The following PLAA variants were observed in gnomAD, a reference collection of about 807,000 sequenced individuals.
PLAA encodes phospholipase A2 activating protein.
In PLAA, 48 loss-of-function variants were observed where a neutral mutation model predicts 84.1. That is an observed-to-expected ratio of 0.57 (90% CI 0.45 to 0.73). The LOEUF (loss-of-function observed/expected upper bound fraction) is 0.73. Among genes scored for constraint, PLAA ranks in the 30% least tolerant of loss-of-function variants. PLAA has a pLI of 0.00. For missense variants in PLAA, 903 were observed against 954.7 expected (o/e 0.95, Z 0.71); for synonymous variants, 392 against 336.6 (o/e 1.16, Z -1.80).
intron 5 of PLAA, among the ~76,000 whole-genome samples, 168 bp downstream of exon 5, chr9:26,926,225 A>G (rs1824954690): frequency 6.6e-6 from 1 of 152,192 alleles, no homozygotes; most frequent in Non-Finnish European, 1.5e-5. Context: ...TGGCCATACA[A>G]TTTTCTTCTT....
At chr9:26,935,654 T>C (rs969116886) in intron 1 of PLAA, among the ~76,000 whole-genome samples, 2 of 152,106 alleles carry the variant, frequency 1.3e-5, no homozygotes, top group East Asian at 1.9e-4. Context: ...TAGAGCCCAG[T>C]AGTATAGTAC....
chr9:26,910,812 C>G (rs939753756), intron 11 of PLAA, among the ~76,000 whole-genome samples: 1 of 151,890 alleles, frequency 6.6e-6, no homozygotes, highest in Non-Finnish European at 1.5e-5. Flanking sequence ...TGTGAGCCAC[C>G]GAGCCTGGTC....
At chr9:26,946,085 G>C (rs889833980) in intron 1 of PLAA, among the ~76,000 whole-genome samples, 5 of 152,136 alleles carry the variant, frequency 3.3e-5, no homozygotes, top group African/African-American at 1.2e-4. Flanking sequence ...CTGAATTTAT[G>C]GATGGTGACT....
intron 13 of PLAA, among the ~76,000 whole-genome samples, chr9:26,906,329 A>C (rs1365140081): frequency 1.3e-5 from 2 of 152,096 alleles, no homozygotes; most frequent in Non-Finnish European, 2.9e-5. Context: ...AACAGCCTAC[A>C]CACTGTGAGT....
intron 1 of PLAA, among the ~76,000 whole-genome samples, chr9:26,938,933 G>A (rs1318912122): frequency 6.6e-6 from 1 of 152,096 alleles, no homozygotes; most frequent in Non-Finnish European, 1.5e-5. Flanking sequence ...CAACCAAAAG[G>A]GGTGAAGATG....
intron 4 of PLAA, among the ~76,000 whole-genome samples, chr9:26,926,819 C>T (rs1824982724): frequency 6.6e-6 from 1 of 151,808 alleles, no homozygotes; most frequent in African/African-American, 2.4e-5. Flanking sequence ...GTATTTTGAC[C>T]CCAATAATTT....
chr9:26,941,534 G>C (rs1335587065), intron 1 of PLAA, among the ~76,000 whole-genome samples: 2 of 152,056 alleles, frequency 1.3e-5, no homozygotes, highest in Non-Finnish European at 2.9e-5. Context: ...ACACAATAAA[G>C]ATTACCAGAC....
In PLAA at chr9:26,919,350, C is replaced by A. The variant is rs1426318569; in HGVS notation, c.1377G>T (p.Met459Ile). The A allele has an allele frequency of 1.9e-6, 3 of 1,612,112 alleles. No individual in the cohort carries two copies. The highest frequency in any genetic ancestry group is 1.7e-6 in the Non-Finnish European group (2 of 1,179,516). ...KFIIDNTKGQMLGLGNPSFSD... is the reference protein window; with the variant it reads ...KFIIDNTKGQILGLGNPSFSD... ...AAAAGCTGGGATTCCCAAGTCCCAA[C>A]ATTTGACCTTTTGTGTTATCAATAA... The change falls in exon 9 of 14, where the codon ATG becomes ATT. Residue 459 changes from methionine to isoleucine, a missense_variant. Met to Ile is a conservative substitution (Grantham distance 10, BLOSUM62 1). Coordinates refer to ENST00000397292, the MANE Select transcript of PLAA (RefSeq NM_001031689.3).
chr9:26,923,495 G>T, intron 6 of PLAA, 148 bp from the exon 7 acceptor site: 1 of 577,814 alleles, frequency 1.7e-6, no homozygotes, highest in Non-Finnish European at 3.0e-6. Flanking sequence ...GCACTGTGCT[G>T]ACTTCAGCAC....
At chr9:26,927,057 T>TA (rs1345566290) in intron 4 of PLAA, among the ~76,000 whole-genome samples, 2 of 151,876 alleles carry the variant, frequency 1.3e-5, no homozygotes, top group Non-Finnish European at 2.9e-5. Context: ...ATAGACTATA[T>TA]ACTGAAGCAG....
Position 26,905,429 on chromosome 9 carries a change from T to C in PLAA, c.*82A>G. 1 of 1,066,210 alleles carries C rather than the reference T, an allele frequency of 9.4e-7. No individual in the cohort carries two copies. The highest frequency in any genetic ancestry group is 1.6e-5 in the South Asian group (1 of 62,968). The allele number at this position is 1,066,210 out of a possible 1,614,324, so 66.0% of individuals were successfully genotyped here. ...TACTTAATCCACCGTATTCTCTTTT[T>C]TTAATTATCTGTTATCAGTCATGTC... is the stretch of plus-strand genomic sequence containing the variant. On this transcript the variant is annotated 3_prime_UTR_variant, in exon 14 of 14. Coordinates refer to ENST00000397292, the MANE Select transcript of PLAA (RefSeq NM_001031689.3).
rs2131360361 is a variant in PLAA at position 26,905,372 on chromosome 9, C to T, written c.*139G>A. On this transcript the variant is annotated 3_prime_UTR_variant, in exon 14 of 14. Coordinates refer to ENST00000397292, the MANE Select transcript of PLAA (RefSeq NM_001031689.3). ...AGTGCAAAAATTTTATTTCTGTTTC[C>T]CCTCCCCACCACTTTACAAGATGTA... The T allele has an allele frequency of 3.0e-6, 2 of 667,248 alleles. No individual in the cohort carries two copies. Among genetic ancestry groups the T allele is most frequent in the Non-Finnish European group, 5.0e-6 (2 of 403,012 alleles). 41.3% of individuals were successfully genotyped at this position (667,248 alleles called of 1,614,324 possible).
chr9:26,916,814 TA>T (rs1335243640), intron 10 of PLAA: 65 of 352,944 alleles, frequency 1.8e-4, no homozygotes, highest in Admixed American at 1.7e-4. Context: ...TGTCTGACTC[TA>T]AAACCTATAT....
chr9:26,932,506 G>A (rs895302217), intron 2 of PLAA, among the ~76,000 whole-genome samples: 2 of 152,218 alleles, frequency 1.3e-5, no homozygotes, highest in Admixed American at 1.3e-4. Flanking sequence ...GTCTATAGCT[G>A]CTGTGCACTA....
At position 26,932,366 on chromosome 9, in the gene PLAA, C is replaced by T. The variant is rs143181973; in HGVS notation, c.343+2647G>A. Among the ~76,000 whole-genome samples, 277 of 152,236 alleles carry T rather than the reference C, an allele frequency of 1.8e-3. 1 individual carries two copies. The highest frequency in any genetic ancestry group is 6.4e-3 in the African/African-American group (266 of 41,548). ...CCTAACAAACTAAGAATGTTTTTTA[C>T]GTATTGAAGTAATTGAGAGAAAAAC... On this transcript the variant is annotated intron_variant, in intron 2 of 13. Transcript: ENST00000397292.
chr9:26,933,788 CAAAAAAAAAA>C (rs199939902), intron 2 of PLAA, among the ~76,000 whole-genome samples: 30 of 89,190 alleles, frequency 3.4e-4, no homozygotes, highest in Admixed American at 3.7e-4. Context: ...GACTCTGCCT[CAAAAAAAAAA>C]AAAAAAAAAA....
chr9:26,938,777 T>A (rs1329946135), intron 1 of PLAA, among the ~76,000 whole-genome samples: 1 of 152,162 alleles, frequency 6.6e-6, no homozygotes, highest in Admixed American at 6.5e-5. Context: ...ATTAAAAAAA[T>A]TAGCCTAAAA....
chr9:26,943,341 A>T (rs1173019057), intron 1 of PLAA, among the ~76,000 whole-genome samples: 1 of 152,180 alleles, frequency 6.6e-6, no homozygotes, highest in African/African-American at 2.4e-5. Context: ...CTAAAACAGA[A>T]CTATTTCTGC....
intron 4 of PLAA, among the ~76,000 whole-genome samples, chr9:26,927,500 A>G (rs570107151): frequency 5.1e-4 from 78 of 152,196 alleles, no homozygotes; most frequent in African/African-American, 1.9e-3. Flanking sequence ...GAAAAAATTC[A>G]AAAAGGAAAA....
Sources: gnomAD v4.1 joint callset for allele counts (sites outside exome capture counted in the v4.1 genomes callset) on GRCh38, gnomAD v4.1.1 for gene constraint, MANE v1.5 for transcripts, NCBI Gene and HGNC (gene_info 2026-07-23, HGNC 2026-07-21) for gene names.